ITGA5: variants seen among roughly 807,000 people sequenced by gnomAD.
ITGA5 encodes integrin subunit alpha 5.
A neutral mutation model predicts 146.3 loss-of-function variants in ITGA5; 55 were observed. That is an observed-to-expected ratio of 0.38 (90% CI 0.30 to 0.47). The LOEUF (loss-of-function observed/expected upper bound fraction) is 0.47, where lower values mean the gene tolerates loss of function less well. Ranked by LOEUF, ITGA5 falls within the 20% of genes least tolerant of loss-of-function variation. The pLI, the probability that ITGA5 is intolerant of heterozygous loss-of-function variation, is 0.99. For missense variants in ITGA5, 1,131 were observed against 1,329.0 expected (o/e 0.85, Z 2.32); for synonymous variants, 500 against 531.8 (o/e 0.94, Z 0.82).
Position 54,409,422 on chromosome 12 carries a change from CG to C in ITGA5, c.462+62del, listed in dbSNP as rs1415929812. 3.7e-6 allele frequency: 6 copies of C among 1,609,300 alleles called. No individual in the cohort carries two copies. Among genetic ancestry groups the C allele is most frequent in the Non-Finnish European group, 5.1e-6 (6 of 1,177,554 alleles). ...GGCCCTTCCTCCCTCCCTCCAGGCC[CG>C]GCCTTACCCAACCACTGCCCATCCC... On this transcript the variant is annotated intron_variant, in intron 3 of 29. Coordinates refer to ENST00000293379, the MANE Select transcript of ITGA5 (RefSeq NM_002205.5). The surrounding 1 kb of genome is among the most constrained non-coding windows in gnomAD (Gnocchi z 4.7).
chr12:54,404,647 T>C, intron 13 of ITGA5, 56 bp downstream of exon 13: 2 of 1,525,308 alleles, frequency 1.3e-6, no homozygotes, highest in Non-Finnish European at 1.8e-6. Context: ...GAAGAGAGAG[T>C]AGGGGTCAGT....
chr12:54,403,068 C>T lies in ITGA5; in HGVS notation c.1915-18G>A. 1 of 1,614,034 alleles carries T rather than the reference C, an allele frequency of 6.2e-7. No homozygotes were observed. The highest frequency in any genetic ancestry group is 8.5e-7 in the Non-Finnish European group (1 of 1,179,916). ...ATCTGAGCCTGGGGAGCAGGGCAGC[C>T]TTGAGAGGGGAAGTTTAGACCCATT... is the stretch of plus-strand genomic sequence containing the variant. On this transcript the variant is annotated intron_variant, in intron 18 of 29. Coordinates refer to ENST00000293379, the MANE Select transcript of ITGA5 (RefSeq NM_002205.5). This position sits in a 1 kb window ranked among gnomAD's most constrained non-coding sequence, Gnocchi z 4.9.
rs367669535 is a variant in ITGA5, at chr12:54,397,332, G to C, written c.3066+33C>G. The C allele has an allele frequency of 4.9e-5, 79 of 1,612,752 alleles. No individual in the cohort carries two copies. The African/African-American group carries it at 1.0e-3, about 21-fold the overall frequency. ...AGGTCAAGGGCAGAGCCTGATGAGA[G>C]GGTGGCCAAGTCACAAGCAGGATGT... On this transcript the variant is annotated intron_variant, in intron 29 of 29. Coordinates refer to ENST00000293379, the MANE Select transcript of ITGA5 (RefSeq NM_002205.5).
chr12:54,410,152 C>T (rs1350636996), intron 2 of ITGA5, among the ~76,000 whole-genome samples: 1 of 152,036 alleles, frequency 6.6e-6, no homozygotes, highest in African/African-American at 2.4e-5. Flanking sequence ...ACTGCGCCCG[C>T]GTAGAACCTG....
intron 11 of ITGA5, 76 bp from the exon 12 acceptor site, chr12:54,405,450 C>A: frequency 8.0e-7 from 1 of 1,246,470 alleles, no homozygotes; most frequent in Admixed American, 2.2e-5. Context: ...CTAGAAATCC[C>A]GGACACTCTG....
At chr12:54,406,064 T>C in intron 9 of ITGA5, 138 bp from the exon 10 acceptor site, 1 of 743,976 alleles carries the variant, frequency 1.3e-6, no homozygotes, top group South Asian at 1.5e-5. Context: ...CTCTTCAGCT[T>C]TGCCCTCATA....
At position 54,397,427 on chromosome 12, in the gene ITGA5, T is replaced by A; in HGVS notation, c.3004A>T (p.Ile1002Phe). ...EGSYGVPLWIIILAILFGLLL... is the reference protein window; with the variant it reads ...EGSYGVPLWIFILAILFGLLL... ...AGGCCAAACAGGATGGCTAGGATGA[T>A]GATCCACAGTGGGACGCCATAGCTG... Residue 1002 changes from isoleucine to phenylalanine, a missense_variant, in exon 29 of 30, where the codon ATC becomes TTC. Ile to Phe is a conservative substitution (Grantham distance 21). Around this residue, in one of 3 missense-constraint regions of ITGA5, gnomAD observed 889 missense variants for 1,021.5 expected, o/e 0.87. Transcript: ENST00000293379. 6.2e-7 allele frequency: 1 copy of A among 1,614,164 alleles called. No homozygotes were observed. Among genetic ancestry groups the A allele is most frequent in the African/African-American group, 1.3e-5 (1 of 75,044 alleles).
At chr12:54,412,654 T>A (rs1374830191) in intron 1 of ITGA5, 2 of 152,406 alleles carry the variant, frequency 1.3e-5, no homozygotes, top group African/African-American at 4.8e-5. Context: ...CCCAGCTGAC[T>A]GAATTCAGAG....
rs986479371 is a variant in ITGA5 at position 54,396,061 on chromosome 12, C to T, written c.*232G>A. The T allele has an allele frequency of 1.3e-5, 6 of 455,772 alleles. No homozygotes were observed. The highest frequency in any genetic ancestry group is 1.0e-4 in the African/African-American group (5 of 49,892). 28.2% of individuals were successfully genotyped at this position (455,772 alleles called of 1,614,324 possible). A position where few individuals can be genotyped will look rare whatever the true frequency, so the allele number is the denominator to read the frequency against. On this transcript the variant is annotated 3_prime_UTR_variant, in exon 30 of 30. Coordinates refer to ENST00000293379, the MANE Select transcript of ITGA5 (RefSeq NM_002205.5). ...CCTCTGTCCCTGGATCTGAGTTCCC[C>T]CATCCATGAAGAGGGTATGTGTAAA...
chr12:54,407,585 C>A, intron 9 of ITGA5, 64 bp downstream of exon 9: 1 of 1,392,126 alleles, frequency 7.2e-7, no homozygotes, highest in South Asian at 1.2e-5. Flanking sequence ...TGCAAACTGC[C>A]ATGCACGGTT....
intron 10 of ITGA5, 40 bp from the exon 11 acceptor site, chr12:54,405,756 A>G (rs770776887): frequency 1.2e-6 from 2 of 1,610,694 alleles, no homozygotes; most frequent in South Asian, 1.1e-5. Context: ...CAGAACTAGA[A>G]GGTTCAATCC....
intron 12 of ITGA5, 49 bp downstream of exon 12, chr12:54,405,117 G>T: frequency 6.7e-7 from 1 of 1,493,752 alleles, no homozygotes; most frequent in Non-Finnish European, 9.1e-7. Context: ...AATCCCTTCT[G>T]ACTTGGGCCC....
chr12:54,403,286 G>C lies in ITGA5; in HGVS notation c.1815C>G (p.His605Gln). The C allele has an allele frequency of 6.4e-7, 1 of 1,552,332 alleles. No homozygotes were observed. The highest frequency in any genetic ancestry group is 8.7e-7 in the Non-Finnish European group (1 of 1,152,072). ...GGTCCAAGGAGAAGTTGAGAGCGAT[G>C]TGAATCGGCGAGAGTTTGTCTCGAA... ...SEFRDKLSPIHIALNFSLDPQ... is the reference protein window; with the variant it reads ...SEFRDKLSPIQIALNFSLDPQ... Residue 605 changes from histidine to glutamine, a missense_variant, in exon 18 of 30, where the codon CAC (histidine) becomes CAG (glutamine). By Grantham distance (24) the His-to-Gln change is conservative. Transcript: ENST00000293379. This position sits in a 1 kb window ranked among gnomAD's most constrained non-coding sequence, Gnocchi z 4.9.
chr12:54,396,546 A>C (rs1446756218), intron 29 of ITGA5, among the ~76,000 whole-genome samples, 170 bp from the exon 30 acceptor site: 21 of 152,206 alleles, frequency 1.4e-4, no homozygotes, highest in Admixed American at 1.4e-3. Flanking sequence ...CAATGGACCC[A>C]GGAGGACCAA....
chr12:54,402,733 A>G (rs1480272519), intron 19 of ITGA5, among the ~76,000 whole-genome samples: 1 of 152,086 alleles, frequency 6.6e-6, no homozygotes, highest in Non-Finnish European at 1.5e-5. Flanking sequence ...TAAAGTAACA[A>G]TAGACACTGC....
At chr12:54,399,045 C>T (rs1955751712) in intron 27 of ITGA5, among the ~76,000 whole-genome samples, 1 of 151,860 alleles carries the variant, frequency 6.6e-6, no homozygotes, top group Non-Finnish European at 1.5e-5. Context: ...TGGAGTTTTG[C>T]CATGTTGCCC....
Position 54,405,330 on chromosome 12 carries a change from G to C in ITGA5, c.1061C>G (p.Thr354Ser). The change falls in exon 12 of 30, where the codon ACC (threonine) becomes AGC (serine). Residue 354 changes from threonine to serine, a missense_variant. Physicochemically the swap from Thr to Ser is moderately conservative, Grantham distance 58. Transcript: ENST00000293379. ...CACCTCCTGAGGCCGCCCGTCAGGG[G>C]TCCGATCCATGAGCAGGGGTGCCCC... The part of the protein sequence containing the change: ...LVGAPLLMDR[T>S]PDGRPQEVGR... 2 of 1,612,356 alleles carry C rather than the reference G, an allele frequency of 1.2e-6. No homozygotes were observed. The highest frequency in any genetic ancestry group is 1.7e-6 in the Non-Finnish European group (2 of 1,179,734).
At chr12:54,418,193 G>A (rs1357743949) in intron 1 of ITGA5, among the ~76,000 whole-genome samples, 1 of 151,934 alleles carries the variant, frequency 6.6e-6, no homozygotes, top group African/African-American at 2.4e-5. Flanking sequence ...GAGGAAGAGG[G>A]AAACCGCCCA....
At position 54,403,084 on chromosome 12, in the gene ITGA5, T is replaced by C; in HGVS notation, c.1915-34A>G. On this transcript the variant is annotated intron_variant, in intron 18 of 29. Transcript: ENST00000293379. The surrounding 1 kb of genome is among the most constrained non-coding windows in gnomAD (Gnocchi z 4.9). ...CAGGGCAGCCTTGAGAGGGGAAGTT[T>C]AGACCCATTCCTGGGCTGTAGGCTC... The C allele has an allele frequency of 6.2e-7, 1 of 1,613,528 alleles. No homozygotes were observed. The highest frequency in any genetic ancestry group is 8.5e-7 in the Non-Finnish European group (1 of 1,179,528).
Sources: allele counts gnomAD v4.1 joint callset (sites outside exome capture counted in the v4.1 genomes callset), GRCh38; gene constraint gnomAD v4.1.1; regional missense constraint gnomAD v4.1.1; non-coding constraint Gnocchi (gnomAD v3.1); transcripts MANE v1.5; gene names NCBI Gene and HGNC (gene_info 2026-07-23, HGNC 2026-07-21).